Variants in SSBP2 observed in about 807,000 individuals in gnomAD.
SSBP2 encodes the protein single-stranded DNA-binding protein 2.
Under a neutral mutation model 61.8 loss-of-function variants are expected in SSBP2, and 17 were observed. The observed-to-expected ratio is 0.28, with a 90% CI of 0.19 to 0.41. The LOEUF is 0.41. Among genes scored for constraint, SSBP2 ranks in the 10% least tolerant of loss-of-function variants. SSBP2 has a pLI of 1.00. For missense variants in SSBP2, 310 were observed against 458.7 expected, an observed-to-expected ratio of 0.68 and a Z score of 2.96; for synonymous variants, 139 against 141.3, an observed-to-expected ratio of 0.98 and a Z score of 0.12.
chr5:81,480,013 TGTCTTCCATA>T (rs1342598177), intron 6 of SSBP2, among the ~76,000 whole-genome samples: 11 of 152,218 alleles, frequency 7.2e-5, no homozygotes, highest in Non-Finnish European at 5.9e-5. Context: ...CACCATTTTC[TGTCTTCCATA>T]GTTATACTAT....
At chr5:81,492,148 A>G (rs934524324) in intron 5 of SSBP2, among the ~76,000 whole-genome samples, 2 of 152,236 alleles carry the variant, frequency 1.3e-5, no homozygotes, top group African/African-American at 4.8e-5. Flanking sequence ...AATATAAATT[A>G]TATCTATTGA....
intron 1 of SSBP2, among the ~76,000 whole-genome samples, chr5:81,694,314 A>C (rs976263708): frequency 6.6e-6 from 1 of 152,202 alleles, no homozygotes; most frequent in Non-Finnish European, 1.5e-5. Context: ...AAACAACTAA[A>C]AAAGTAGAAT....
At chr5:81,732,626 C>T (rs186894345) in intron 1 of SSBP2, among the ~76,000 whole-genome samples, 2 of 152,182 alleles carry the variant, frequency 1.3e-5, no homozygotes, top group Admixed American at 6.5e-5. Context: ...ATTACATATG[C>T]AAATAAATAA....
intron 1 of SSBP2, among the ~76,000 whole-genome samples, chr5:81,733,593 T>C (rs1387073376): frequency 1.3e-5 from 2 of 152,228 alleles, no homozygotes; most frequent in Non-Finnish European, 2.9e-5. Flanking sequence ...CCCCAGGAAT[T>C]GTTGTCTTTA....
chr5:81,601,791 G>A (rs1461197576), intron 4 of SSBP2, among the ~76,000 whole-genome samples: 1 of 152,154 alleles, frequency 6.6e-6, no homozygotes, highest in Non-Finnish European at 1.5e-5. Context: ...TAAATCAGGT[G>A]AAGATGCAAA....
chr5:81,530,817 T>C (rs898067851), intron 4 of SSBP2, among the ~76,000 whole-genome samples: 2 of 152,108 alleles, frequency 1.3e-5, no homozygotes, highest in Admixed American at 6.6e-5. Context: ...CTGAAAGCTG[T>C]ATAAACATAC....
chr5:81,731,385 A>G (rs1406647141), intron 1 of SSBP2, among the ~76,000 whole-genome samples: 2 of 152,204 alleles, frequency 1.3e-5, no homozygotes, highest in Non-Finnish European at 2.9e-5. Context: ...AGCAATCACA[A>G]AACAATCCAT....
intron 4 of SSBP2, among the ~76,000 whole-genome samples, chr5:81,581,172 T>C (rs1266580990): frequency 6.6e-6 from 1 of 152,090 alleles, no homozygotes; most frequent in Non-Finnish European, 1.5e-5. Flanking sequence ...GCCAGGAACA[T>C]AGAGAAGAAG....
chr5:81,512,629 C>T (rs558864937), intron 5 of SSBP2, among the ~76,000 whole-genome samples: 2 of 152,202 alleles, frequency 1.3e-5, no homozygotes, highest in East Asian at 3.9e-4. Context: ...AGAGTTGGAT[C>T]TCTGCTTTAA....
intron 5 of SSBP2, among the ~76,000 whole-genome samples, chr5:81,490,496 G>C (rs1359937681): frequency 1.3e-5 from 2 of 152,006 alleles, no homozygotes; most frequent in Non-Finnish European, 2.9e-5. Flanking sequence ...AAGATATTAA[G>C]AATTAATTAA....
intron 6 of SSBP2, among the ~76,000 whole-genome samples, chr5:81,488,642 T>C (rs932703234): frequency 1.7e-4 from 26 of 151,722 alleles, no homozygotes; most frequent in Non-Finnish European, 3.1e-4. Context: ...CATGCTGGTG[T>C]GCTGCACCCA....
intron 4 of SSBP2, among the ~76,000 whole-genome samples, chr5:81,540,372 G>A (rs895867817): frequency 1.3e-5 from 2 of 152,122 alleles, no homozygotes; most frequent in African/African-American, 2.4e-5. Context: ...GTGTAAAAGC[G>A]TTCTTATTTC....
chr5:81,747,031 G>GGC (rs1256245203), intron 1 of SSBP2, among the ~76,000 whole-genome samples: 1 of 136,698 alleles, frequency 7.3e-6, no homozygotes, highest in East Asian at 2.5e-4. Context: ...CTGGGGGGGG[G>GGC]GGGAATCTGA....
At chr5:81,730,068 A>C (rs1444340140) in intron 1 of SSBP2, among the ~76,000 whole-genome samples, 2 of 152,196 alleles carry the variant, frequency 1.3e-5, no homozygotes, top group Non-Finnish European at 1.5e-5. Flanking sequence ...TATTGGAGAA[A>C]GGAAAAGATC....
chr5:81,668,940 C>T (rs1751377811), intron 1 of SSBP2, among the ~76,000 whole-genome samples: 1 of 151,966 alleles, frequency 6.6e-6, no homozygotes, highest in Non-Finnish European at 1.5e-5. Flanking sequence ...GTGTCTCTAC[C>T]ATCTCAGTAC....
chr5:81,730,381 C>G (rs539182937), intron 1 of SSBP2, among the ~76,000 whole-genome samples: 8 of 152,238 alleles, frequency 5.3e-5, no homozygotes, highest in African/African-American at 1.9e-4. Flanking sequence ...CCCGCTACCA[C>G]GCCTGGCTAA....
rs555490676 is a variant in SSBP2, at chr5:81,491,172, GCTGT to G, written c.373-1867_373-1864del. ...ATATTGTGTCATTGGTTTTATAATG[GCTGT>G]CTTTTACAAAATGATGTTTTATGAC... On this transcript the variant is annotated intron_variant, in intron 5 of 16. Coordinates refer to ENST00000320672, the MANE Select transcript of SSBP2 (RefSeq NM_012446.5). Among the ~76,000 whole-genome samples, 662 of 152,010 alleles carry G rather than the reference GCTGT, an allele frequency of 4.4e-3. 7 individuals carry two copies. The highest frequency in any genetic ancestry group is 0.013 in the African/African-American group (559 of 41,484).
chr5:81,437,360 TA>T, intron 15 of SSBP2, 69 bp downstream of exon 15: 1 of 1,431,144 alleles, frequency 7.0e-7, no homozygotes, highest in South Asian at 1.3e-5. Flanking sequence ...AAATTTACTC[TA>T]ATAATTTTAA....
intron 1 of SSBP2, among the ~76,000 whole-genome samples, chr5:81,747,340 G>C (rs1268119702): frequency 6.6e-6 from 1 of 152,012 alleles, no homozygotes; most frequent in African/African-American, 2.4e-5. Context: ...CTGTTTTCTA[G>C]CATTGTATCC....
Sources: gnomAD v4.1 joint callset for allele counts (sites outside exome capture counted in the v4.1 genomes callset) on GRCh38, gnomAD v4.1.1 for gene constraint, MANE v1.5 for transcripts, NCBI Gene and HGNC (gene_info 2026-07-23, HGNC 2026-07-21) for gene names.